PCDHGA1: variants seen among roughly 807,000 people sequenced by gnomAD.
PCDHGA1 encodes the protein protocadherin gamma-A1.
PCDHGA1 carries 32 observed loss-of-function variants against 58.0 expected under a neutral mutation model. That is an observed-to-expected ratio of 0.55 (90% CI 0.42 to 0.74). PCDHGA1 has a LOEUF of 0.74. Among genes scored for constraint, PCDHGA1 ranks in the 30% least tolerant of loss-of-function variants. The pLI, the probability that PCDHGA1 is intolerant of heterozygous loss-of-function variation, is 0.00. For missense variants in PCDHGA1, 1,205 were observed against 1,182.3 expected (o/e 1.02, Z -0.28); for synonymous variants, 498 against 501.1 (o/e 0.99, Z 0.08).
At position 141,491,318 on chromosome 5, in the gene PCDHGA1, A is replaced by C; in HGVS notation, c.2422-3489A>C. The C allele has an allele frequency of 6.2e-7, 1 of 1,613,862 alleles. No individual in the cohort carries two copies. The highest frequency in any genetic ancestry group is 8.5e-7 in the Non-Finnish European group (1 of 1,179,916). On this transcript the variant is annotated intron_variant, in intron 1 of 3. Transcript: ENST00000517417. The surrounding 1 kb of genome is among the most constrained non-coding windows in gnomAD (Gnocchi z 6.9). ...CCTGAGCGTTCAGACCTTACCCTTT[A>C]CCTCATTGTGGCTCTAGCGACCGTC...
chr5:141,348,521 T>G (rs1758136686), intron 1 of PCDHGA1, among the ~76,000 whole-genome samples: 1 of 152,218 alleles, frequency 6.6e-6, no homozygotes, highest in East Asian at 1.9e-4. Flanking sequence ...AGGGGAAATT[T>G]GGATGCTCAA....
chr5:141,348,739 T>C (rs1240455139), intron 1 of PCDHGA1, among the ~76,000 whole-genome samples: 1 of 152,066 alleles, frequency 6.6e-6, no homozygotes, highest in East Asian at 1.9e-4. Context: ...AAGTTCATAG[T>C]AAAAGGAATG....
At chr5:141,372,217 T>C (rs1267940459) in intron 1 of PCDHGA1, 1 of 1,613,446 alleles carries the variant, frequency 6.2e-7, no homozygotes, top group African/African-American at 1.3e-5. Context: ...TCCTACCACA[T>C]TGTGCAGGCC....
chr5:141,372,707 G>C, intron 1 of PCDHGA1: 1 of 1,613,964 alleles, frequency 6.2e-7, no homozygotes, highest in Non-Finnish European at 8.5e-7. Context: ...TCAATATAAA[G>C]GCTGAAAATG....
At chr5:141,404,436 C>A in intron 1 of PCDHGA1, 1 of 1,612,704 alleles carries the variant, frequency 6.2e-7, no homozygotes, top group Non-Finnish European at 8.5e-7. Flanking sequence ...GCAGAGGATA[C>A]CATCCAAGGG....
intron 1 of PCDHGA1, among the ~76,000 whole-genome samples, chr5:141,435,227 G>T (rs1461159947): frequency 1.3e-5 from 2 of 152,030 alleles, no homozygotes; most frequent in African/African-American, 4.8e-5. Context: ...TTCTTTCAAA[G>T]TTCAGTAATT....
rs770401080 is a variant in PCDHGA1, at chr5:141,350,683, G to A, written c.2421+17578G>A. On this transcript the variant is annotated intron_variant, in intron 1 of 3. Transcript: ENST00000517417. The stretch of plus-strand genomic sequence containing the variant: ...AAGGCATTGACTTAGAAATTTGTGA[G>A]TCAGCCTTACCCGGGGTAAAATTCT... The A allele has an allele frequency of 1.0e-4, 166 of 1,613,996 alleles. 3 individuals carry two copies. The South Asian group carries it at 1.8e-3, about 17-fold the overall frequency.
intron 1 of PCDHGA1, chr5:141,393,081 A>T (rs1005323306): frequency 6.2e-7 from 1 of 1,613,672 alleles, no homozygotes; most frequent in South Asian, 1.1e-5. Flanking sequence ...CGCGGGCAGG[A>T]TAGATCGGGA....
chr5:141,499,677 T>C (rs2099793326), intron 2 of PCDHGA1, among the ~76,000 whole-genome samples: 1 of 151,690 alleles, frequency 6.6e-6, no homozygotes, highest in African/African-American at 2.4e-5. Flanking sequence ...CTCCACCATC[T>C]TTAACAGATG....
In PCDHGA1 at chr5:141,379,889, C is replaced by CTTTTTTTTT. The variant is rs70988800; in HGVS notation, c.2421+46806_2421+46814dup. ...CTTATTTTATGGTCTGTGAAAGCCT[C>CTTTTTTTTT]TTTTTTTTTTTTTTTTTTTTTTTTT... is the stretch of plus-strand genomic sequence containing the variant. On this transcript the variant is annotated intron_variant, in intron 1 of 3. Transcript: ENST00000517417. Among the ~76,000 whole-genome samples the CTTTTTTTTT allele has an allele frequency of 5.8e-3, 297 of 50,818 alleles. 50 individuals are homozygous for CTTTTTTTTT. Among genetic ancestry groups the CTTTTTTTTT allele is most frequent in the African/African-American group, 9.2e-3 (138 of 15,074 alleles). The allele number at this position is 50,818 out of a possible 152,430, so 33.3% of individuals were successfully genotyped here.
rs377069581 is a variant in PCDHGA1, at chr5:141,330,793, G to A, written c.109G>A (p.Glu37Lys). Reference protein sequence around the residue: ...GAGNIHYSVPEETDKGSFVGN... With the variant: ...GAGNIHYSVPKETDKGSFVGN... Reference sequence around the variant, plus strand: ...TGGGAATATTCACTACTCAGTGCCGGAAGAGACAGACAAAGGTTCCTTCGT... The same window carrying A: ...TGGGAATATTCACTACTCAGTGCCGAAAGAGACAGACAAAGGTTCCTTCGT... Residue 37 changes from glutamate (E) to lysine (K), a missense_variant, in exon 1 of 4, where the codon GAA becomes AAA. By Grantham distance (56) the Glu-to-Lys change is moderately conservative. Transcript: ENST00000517417. The A allele has an allele frequency of 3.1e-6, 5 of 1,614,218 alleles. No individual in the cohort carries two copies. Among genetic ancestry groups the A allele is most frequent in the Admixed American group, 1.7e-5 (1 of 60,020 alleles).
chr5:141,422,259 C>T (rs751340056), intron 1 of PCDHGA1: 2 of 1,565,034 alleles, frequency 1.3e-6, no homozygotes, highest in Non-Finnish European at 1.7e-6. Flanking sequence ...TGAATGATAA[C>T]GCTCCAGAAA....
At chr5:141,404,169 C>G in intron 1 of PCDHGA1, 4 of 1,612,736 alleles carry the variant, frequency 2.5e-6, no homozygotes, top group Non-Finnish European at 3.4e-6. Flanking sequence ...AGATTGTTGA[C>G]GGCCCAAATT....
intron 1 of PCDHGA1, chr5:141,421,732 C>T: frequency 6.2e-7 from 1 of 1,613,934 alleles, no homozygotes; most frequent in Non-Finnish European, 8.5e-7. Flanking sequence ...GAACTCCCTC[C>T]AGAGCTACCA....
chr5:141,364,403 G>C, intron 1 of PCDHGA1: 6 of 1,608,570 alleles, frequency 3.7e-6, no homozygotes, highest in Non-Finnish European at 5.1e-6. Context: ...GACGCTGTGC[G>C]AGCCAGGATC....
intron 1 of PCDHGA1, chr5:141,409,546 C>A (rs775680397): frequency 6.2e-7 from 1 of 1,613,880 alleles, no homozygotes; most frequent in African/African-American, 1.3e-5. Flanking sequence ...TCAACGACAA[C>A]GCCCCAGTTT....
intron 1 of PCDHGA1, chr5:141,360,002 A>G: frequency 8.5e-7 from 1 of 1,173,940 alleles, no homozygotes; most frequent in Non-Finnish European, 1.1e-6. Context: ...TCCTGCACAA[A>G]CCAACCACAC....
At chr5:141,428,034 T>A (rs768728101) in intron 1 of PCDHGA1, 8 of 1,607,778 alleles carry the variant, frequency 5.0e-6, no homozygotes, top group Middle Eastern at 1.7e-4. Context: ...AGAGTCCGGC[T>A]ACCTGGTGAC....
intron 3 of PCDHGA1, among the ~76,000 whole-genome samples, chr5:141,509,347 C>A (rs755234053): frequency 2.6e-5 from 4 of 152,142 alleles, no homozygotes; most frequent in Non-Finnish European, 5.9e-5. Context: ...CCTGGGCTGG[C>A]CTGGGCATCC....
Sources: allele counts gnomAD v4.1 joint callset (sites outside exome capture counted in the v4.1 genomes callset), GRCh38; gene constraint gnomAD v4.1.1; non-coding constraint Gnocchi (gnomAD v3.1); transcripts MANE v1.5; gene names NCBI Gene and HGNC (gene_info 2026-07-23, HGNC 2026-07-21).